Variants in CEP83 observed in about 807,000 individuals in gnomAD.
CEP83 encodes the protein centrosomal protein 83.
A neutral mutation model predicts 101.9 loss-of-function variants in CEP83; 70 were observed. The observed-to-expected ratio is 0.69, with a 90% CI of 0.57 to 0.84. The LOEUF (loss-of-function observed/expected upper bound fraction) is 0.84. Among genes scored for constraint, CEP83 ranks in the 40% least tolerant of loss-of-function variants. The pLI, the probability that CEP83 is intolerant of heterozygous loss-of-function variation, is 0.00. For missense variants in CEP83, 715 were observed against 787.2 expected (o/e 0.91, Z 1.10); for synonymous variants, 264 against 267.9 (o/e 0.99, Z 0.14).
chr12:94,317,072 C>A (rs1295951101), intron 14 of CEP83, among the ~76,000 whole-genome samples: 1 of 152,180 alleles, frequency 6.6e-6, no homozygotes, highest in Non-Finnish European at 1.5e-5. Flanking sequence ...TTCTCCACAA[C>A]CTCGCCAGAA....
chr12:94,284,683 C>G, the CEP83 span, among the ~76,000 whole-genome samples: 1 of 152,054 alleles, frequency 6.6e-6, no homozygotes, highest in South Asian at 2.1e-4. Flanking sequence ...GTGGCAGGGC[C>G]AGATTCGGAC....
chr12:94,382,727 A>G (rs151197626), intron 6 of CEP83, among the ~76,000 whole-genome samples: 27 of 152,002 alleles, frequency 1.8e-4, no homozygotes, highest in Middle Eastern at 6.8e-3. Flanking sequence ...TATGATTTCA[A>G]GTTGTATAAG....
intron 1 of CEP83, among the ~76,000 whole-genome samples, chr12:94,458,212 A>C (rs2067840103): frequency 6.6e-6 from 1 of 151,834 alleles, no homozygotes; most frequent in South Asian, 2.1e-4. Flanking sequence ...AAAGAAAAAA[A>C]AAAAAACTAC....
chr12:94,331,345 T>A (rs1336532591), intron 14 of CEP83, among the ~76,000 whole-genome samples: 21 of 83,296 alleles, frequency 2.5e-4, no homozygotes, highest in South Asian at 1.4e-3. Flanking sequence ...TCCATAGAAA[T>A]CACCTTTTTT....
At chr12:94,440,498 T>G (rs2066319855) in intron 1 of CEP83, among the ~76,000 whole-genome samples, 1 of 150,782 alleles carries the variant, frequency 6.6e-6, no homozygotes, top group African/African-American at 2.4e-5. Context: ...CGAAAAGACC[T>G]CTACAAGGAA....
At chr12:94,322,765 C>A (rs777068616) in intron 14 of CEP83, among the ~76,000 whole-genome samples, 1 of 152,194 alleles carries the variant, frequency 6.6e-6, no homozygotes, top group Non-Finnish European at 1.5e-5. Flanking sequence ...AACTCAGACT[C>A]CCTAGAGCCC....
chr12:94,283,821 C>A, the CEP83 span, among the ~76,000 whole-genome samples: 9 of 152,102 alleles, frequency 5.9e-5, no homozygotes, highest in Admixed American at 2.6e-4. Context: ...TGGTGGCTCA[C>A]GCCTGTAATC....
In CEP83 at chr12:94,378,959, T is replaced by C. The variant is rs1185746890; in HGVS notation, c.633A>G (p.Glu211=). ...VDLTKDSKRV[E]QLAREKVYLC... is the part of the protein sequence containing the mutation. ...AATAGACTTTTTCTCGAGCAAGTTGTTCCACTCGTTTGCTGTCTTTTGTGA... is the reference window on the plus strand; with the variant it reads ...AATAGACTTTTTCTCGAGCAAGTTGCTCCACTCGTTTGCTGTCTTTTGTGA... The change falls in exon 7 of 17, where the codon GAA becomes GAG. Residue 211 remains glutamate, a synonymous_variant. Transcript: ENST00000397809. 1.9e-6 allele frequency: 3 copies of C among 1,614,002 alleles called. No homozygotes were observed. The highest frequency in any genetic ancestry group is 2.5e-6 in the Non-Finnish European group (3 of 1,179,990).
At chr12:94,459,061 G>A (rs1396064958) in intron 1 of CEP83, among the ~76,000 whole-genome samples, 7 of 152,192 alleles carry the variant, frequency 4.6e-5, no homozygotes, top group African/African-American at 1.7e-4. Context: ...CTAGAGATCT[G>A]TAAGATTTGA....
the CEP83 span, among the ~76,000 whole-genome samples, chr12:94,286,616 CAAAAAAAAAAAA>C: frequency 2.0e-5 from 2 of 101,406 alleles, no homozygotes; most frequent in African/African-American, 4.0e-5. Context: ...TGCTTAAAAG[CAAAAAAAAAAAA>C]AAAAAAAAAA....
chr12:94,275,850 G>A, the CEP83 span, among the ~76,000 whole-genome samples: 136 of 52,970 alleles, frequency 2.6e-3, 13 homozygotes, highest in East Asian at 0.066. Context: ...GCGAGACTCC[G>A]TCTCAAAAAA....
At chr12:94,333,045 C>CAAAAAAAAAAAAAAAAA (rs34900007) in intron 13 of CEP83, among the ~76,000 whole-genome samples, 1 of 73,174 alleles carries the variant, frequency 1.4e-5, no homozygotes, top group Non-Finnish European at 2.4e-5. Context: ...ATTTTAAGAC[C>CAAAAAAAAAAAAAAAAA]AAAAAAAAAA....
At chr12:94,379,124 T>A (rs2061702751) in intron 6 of CEP83, 82 bp from the exon 7 acceptor site, 1 of 1,189,566 alleles carries the variant, frequency 8.4e-7, no homozygotes, top group Non-Finnish European at 1.2e-6. Context: ...TCAGTAAAAT[T>A]AAAAAATGCA....
At chr12:94,392,959 G>C (rs2062648702) in intron 6 of CEP83, among the ~76,000 whole-genome samples, 1 of 152,056 alleles carries the variant, frequency 6.6e-6, no homozygotes, top group Non-Finnish European at 1.5e-5. Flanking sequence ...ACCAATAACA[G>C]GTTCTGAAAT....
intron 6 of CEP83, among the ~76,000 whole-genome samples, chr12:94,389,102 G>A (rs958795533): frequency 6.6e-6 from 1 of 152,178 alleles, no homozygotes; most frequent in African/African-American, 2.4e-5. Flanking sequence ...ACTCCAGCCT[G>A]GGGAACAGAG....
At chr12:94,368,305 G>T (rs1566001683) in intron 9 of CEP83, 104 bp from the exon 10 acceptor site, 4 of 771,552 alleles carry the variant, frequency 5.2e-6, no homozygotes, top group Non-Finnish European at 8.2e-6. Context: ...AATGAATGTA[G>T]AAAGTCTCTA....
chr12:94,287,171 T>C, the CEP83 span, among the ~76,000 whole-genome samples: 1 of 152,232 alleles, frequency 6.6e-6, no homozygotes, highest in African/African-American at 2.4e-5. Flanking sequence ...GCATTTCTGT[T>C]CCAGTGTCAT....
intron 6 of CEP83, among the ~76,000 whole-genome samples, chr12:94,391,233 T>C (rs535531087): frequency 2.0e-4 from 31 of 152,134 alleles, no homozygotes; most frequent in African/African-American, 6.3e-4. Flanking sequence ...GAGAGAAAGG[T>C]TGAGTTACCC....
rs756239915 is a variant in CEP83, at chr12:94,308,810, ACAT to A, written c.2106_*2del. ...CTTTTGATCTGCCTGTTCTCCAAGA[ACAT>A]CATTCTCCGGAAGATCCAAGTTCCT... On this transcript the variant is annotated stop_lost and 3_prime_UTR_variant, in exon 17 of 17. Transcript: ENST00000397809. 6.3e-7 allele frequency: 1 copy of A among 1,593,636 alleles called. No homozygotes were observed. Among genetic ancestry groups the A allele is most frequent in the South Asian group, 1.1e-5 (1 of 90,516 alleles).
Sources: gnomAD v4.1 joint callset for allele counts (sites outside exome capture counted in the v4.1 genomes callset) on GRCh38, gnomAD v4.1.1 for gene constraint, MANE v1.5 for transcripts, NCBI Gene and HGNC (gene_info 2026-07-23, HGNC 2026-07-21) for gene names.